LEPR: variants seen among roughly 807,000 people sequenced by gnomAD.
LEPR encodes the protein leptin receptor.
LEPR carries 56 observed loss-of-function variants against 114.7 expected under a neutral mutation model. The ratio of observed to expected loss-of-function variants is 0.49; its 90% CI spans 0.39 to 0.61. The LOEUF is 0.61. Ranked by LOEUF, LEPR falls within the 20% of genes least tolerant of loss-of-function variation. The probability of loss-of-function intolerance (pLI) is 0.00; values close to 1 mark genes in which losing one functional copy is unlikely to be tolerated. For synonymous variants in LEPR, 443 were observed against 461.4 expected (o/e 0.96, Z 0.51); for missense variants, 1,202 against 1,352.9 (o/e 0.89, Z 1.75).
At chr1:65,455,198 A>C (rs186093373) in intron 2 of LEPR, among the ~76,000 whole-genome samples, 1 of 152,016 alleles carries the variant, frequency 6.6e-6, no homozygotes, top group Non-Finnish European at 1.5e-5. Flanking sequence ...ACTTTTTTCA[A>C]AGTTTTCAAC....
intron 2 of LEPR, among the ~76,000 whole-genome samples, chr1:65,496,257 A>T (rs1648149351): frequency 6.6e-6 from 1 of 152,216 alleles, no homozygotes. Context: ...TCTCCTTAAG[A>T]GAAAATTTGT....
Position 65,638,116 on chromosome 1 carries a change from AG to A in LEPR, c.*1103del, listed in dbSNP as rs1658771240. On this transcript the variant is annotated 3_prime_UTR_variant, in exon 20 of 20. Transcript: ENST00000349533. Reference sequence around the variant, plus strand: ...GTAATCCCAGCACTTTGGGAGGCTGAGGCGGGTGGATCGCTTGAGCTCAGAA... The same window carrying A: ...GTAATCCCAGCACTTTGGGAGGCTGAGCGGGTGGATCGCTTGAGCTCAGAA... The A allele has an allele frequency of 6.6e-6, 1 of 152,218 alleles. No homozygotes were observed. The highest frequency in any genetic ancestry group is 6.5e-5 in the Admixed American group (1 of 15,274). The allele number at this position is 152,218 out of a possible 1,614,324, so 9.4% of individuals were successfully genotyped here. A position where few individuals can be genotyped will look rare whatever the true frequency, so the allele number is the denominator to read the frequency against.
At chr1:65,519,524 A>G (rs542003117) in intron 2 of LEPR, among the ~76,000 whole-genome samples, 3 of 152,148 alleles carry the variant, frequency 2.0e-5, no homozygotes, top group African/African-American at 7.2e-5. Context: ...CTAGGGTAAT[A>G]TATATTTTTC....
chr1:65,612,175 T>C (rs1415529808), intron 14 of LEPR, among the ~76,000 whole-genome samples: 1 of 152,238 alleles, frequency 6.6e-6, no homozygotes, highest in African/African-American at 2.4e-5. Context: ...TATGGCACTT[T>C]TTAAAAAATA....
At chr1:65,541,994 C>G (rs1466560626) in intron 2 of LEPR, among the ~76,000 whole-genome samples, 1 of 152,066 alleles carries the variant, frequency 6.6e-6, no homozygotes, top group East Asian at 1.9e-4. Context: ...ACAAATAATC[C>G]TTTACAATAG....
chr1:65,482,847 G>A (rs938488279), intron 2 of LEPR, among the ~76,000 whole-genome samples: 1 of 151,982 alleles, frequency 6.6e-6, no homozygotes, highest in Non-Finnish European at 1.5e-5. Context: ...AATTAGCCAG[G>A]CGTGGTGGCA....
chr1:65,484,722 C>T (rs1252712293), intron 2 of LEPR, among the ~76,000 whole-genome samples: 1 of 152,186 alleles, frequency 6.6e-6, no homozygotes, highest in Non-Finnish European at 1.5e-5. Context: ...AGTTGTTCCA[C>T]ACCCAAAGAG....
Position 65,604,919 on chromosome 1 carries a change from G to A in LEPR, c.1404-119G>A, listed in dbSNP as rs11208686. On this transcript the variant is annotated intron_variant, in intron 10 of 19. Transcript: ENST00000349533. ...TGGAAAAATTGTCTTCCATGAAACC[G>A]GTCCCTGGTGCCAAAAAGGTTGGGG... 0.2 allele frequency: 249,983 copies of A among 1,228,672 alleles called. 33,640 individuals carry two copies. The highest frequency in any genetic ancestry group is 0.75 in the East Asian group (30,449 of 40,408). The allele number at this position is 1,228,672 out of a possible 1,614,324, so 76.1% of individuals were successfully genotyped here. A position where few individuals can be genotyped will look rare whatever the true frequency, so the allele number is the denominator to read the frequency against.
intron 10 of LEPR, among the ~76,000 whole-genome samples, chr1:65,602,800 CTCT>C (rs1222785988): frequency 1.3e-5 from 2 of 152,100 alleles, no homozygotes; most frequent in African/African-American, 4.8e-5. Context: ...TGCTGCCAGT[CTCT>C]TCTTATGTAG....
chr1:65,454,985 T>C (rs1441302299), intron 2 of LEPR, among the ~76,000 whole-genome samples: 2 of 152,178 alleles, frequency 1.3e-5, no homozygotes, highest in Non-Finnish European at 2.9e-5. Flanking sequence ...CTCGTTTCTT[T>C]TTATTCTTTT....
Position 65,543,502 on chromosome 1 carries a change from G to A in LEPR, c.-20-22044G>A, listed in dbSNP as rs558938798. On this transcript the variant is annotated intron_variant, in intron 2 of 19. Coordinates refer to ENST00000349533, the MANE Select transcript of LEPR (RefSeq NM_002303.6). Reference sequence around the variant, plus strand: ...ATCCCATTTGTCAATTTTGGCTTTTGTTGCCATTGCTTTTGATGTTTTAGT... The same window carrying A: ...ATCCCATTTGTCAATTTTGGCTTTTATTGCCATTGCTTTTGATGTTTTAGT... Among the ~76,000 whole-genome samples the A allele has an allele frequency of 2.0e-5, 3 of 152,096 alleles. No individual in the cohort carries two copies. The South Asian group carries it at 6.2e-4, about 32-fold the overall frequency.
intron 3 of LEPR, among the ~76,000 whole-genome samples, chr1:65,567,651 A>G (rs1193748137): frequency 6.6e-6 from 1 of 152,206 alleles, no homozygotes; most frequent in Admixed American, 6.5e-5. Context: ...GTCATTACCT[A>G]TGTATTGTTT....
intron 5 of LEPR, among the ~76,000 whole-genome samples, chr1:65,582,372 A>G (rs1330049971): frequency 6.6e-6 from 1 of 152,096 alleles, no homozygotes; most frequent in African/African-American, 2.4e-5. Context: ...GCTAGTTTTG[A>G]GATAAATTCT....
chr1:65,496,663 C>T (rs1224449764), intron 2 of LEPR, among the ~76,000 whole-genome samples: 2 of 152,160 alleles, frequency 1.3e-5, no homozygotes, highest in Non-Finnish European at 2.9e-5. Flanking sequence ...TTCATGTGTA[C>T]TGTACACTCA....
At position 65,620,786 on chromosome 1, in the gene LEPR, GA is replaced by G. The variant is rs1169491979; in HGVS notation, c.2492-559del. Among the ~76,000 whole-genome samples the G allele has an allele frequency of 5.9e-5, 9 of 151,816 alleles. No individual in the cohort carries two copies. The South Asian group carries it at 1.5e-3, about 25-fold the overall frequency. ...GGTAGTTTCATTATAATGTTGATGAGAAAAAAAAGGTTTTGTTATACATTGC... is the reference window on the plus strand; with the variant it reads ...GGTAGTTTCATTATAATGTTGATGAGAAAAAAAGGTTTTGTTATACATTGC... On this transcript the variant is annotated intron_variant, in intron 17 of 19. Transcript: ENST00000349533.
chr1:65,544,879 A>G (rs1651545891), intron 2 of LEPR, among the ~76,000 whole-genome samples: 1 of 150,878 alleles, frequency 6.6e-6, no homozygotes, highest in Non-Finnish European at 1.5e-5. Flanking sequence ...ATATGTATAC[A>G]TGTGCCATGC....
chr1:65,533,300 A>G (rs949414534), intron 2 of LEPR, among the ~76,000 whole-genome samples: 1 of 152,124 alleles, frequency 6.6e-6, no homozygotes, highest in African/African-American at 2.4e-5. Context: ...AACAGTCTCA[A>G]TAGGATCTCT....
At chr1:65,422,882 T>C (rs188223575) in intron 1 of LEPR, among the ~76,000 whole-genome samples, 116 of 152,270 alleles carry the variant, frequency 7.6e-4, no homozygotes, top group African/African-American at 2.6e-3. Context: ...GCAGCGGTGA[T>C]ATATATAGTT....
At chr1:65,496,030 C>T (rs1648137713) in intron 2 of LEPR, among the ~76,000 whole-genome samples, 1 of 151,942 alleles carries the variant, frequency 6.6e-6, no homozygotes, top group South Asian at 2.1e-4. Flanking sequence ...TTGTGTATTT[C>T]AAAACAGTTA....
Sources: allele counts gnomAD v4.1 joint callset (sites outside exome capture counted in the v4.1 genomes callset), GRCh38; gene constraint gnomAD v4.1.1; transcripts MANE v1.5; gene names NCBI Gene and HGNC (gene_info 2026-07-23, HGNC 2026-07-21).